The following CDKAL1 variants were observed in gnomAD, a reference collection of about 807,000 sequenced individuals.
CDKAL1 encodes the protein CDKAL1 threonylcarbamoyladenosine tRNA methylthiotransferase, also known as threonylcarbamoyladenosine tRNA methylthiotransferase.
CDKAL1 carries 32 observed loss-of-function variants against 68.2 expected under a neutral mutation model. The observed-to-expected ratio is 0.47, with a 90% CI of 0.35 to 0.63. The LOEUF (loss-of-function observed/expected upper bound fraction) is 0.63, where lower values mean the gene tolerates loss of function less well. Ranked by LOEUF, CDKAL1 falls within the 30% of genes least tolerant of loss-of-function variation. The pLI, the probability that CDKAL1 is intolerant of heterozygous loss-of-function variation, is 0.00. For missense variants in CDKAL1, 606 were observed against 696.7 expected, an observed-to-expected ratio of 0.87 and a Z score of 1.47; for synonymous variants, 234 against 244.3, an observed-to-expected ratio of 0.96 and a Z score of 0.39.
intron 13 of CDKAL1, among the ~76,000 whole-genome samples, chr6:21,116,882 A>G (rs976109398): frequency 1.3e-5 from 2 of 152,206 alleles, no homozygotes; most frequent in Non-Finnish European, 2.9e-5. Context: ...TACTTCCTCT[A>G]TGAAATTCAC....
intron 4 of CDKAL1, among the ~76,000 whole-genome samples, chr6:20,614,266 A>G (rs1766783048): frequency 6.6e-6 from 1 of 151,946 alleles, no homozygotes; most frequent in African/African-American, 2.4e-5. Context: ...TACATAGTTC[A>G]CTTTATCAGT....
intron 5 of CDKAL1, among the ~76,000 whole-genome samples, chr6:20,661,831 G>T (rs563048761): frequency 6.6e-6 from 1 of 152,264 alleles, no homozygotes; most frequent in African/African-American, 2.4e-5. Flanking sequence ...GTGAAAGAGG[G>T]CAGTGTATTA....
intron 4 of CDKAL1, among the ~76,000 whole-genome samples, chr6:20,600,787 T>TAC (rs1258008059): frequency 2.4e-4 from 35 of 146,950 alleles, no homozygotes; most frequent in South Asian, 8.5e-4. Context: ...TATATATATA[T>TAC]ACACACACAC....
At chr6:20,657,393 C>A (rs1769074865) in intron 5 of CDKAL1, among the ~76,000 whole-genome samples, 1 of 152,152 alleles carries the variant, frequency 6.6e-6, no homozygotes, top group East Asian at 1.9e-4. Context: ...CTTTTTCTAA[C>A]CTGGACTCTT....
intron 11 of CDKAL1, among the ~76,000 whole-genome samples, chr6:21,032,515 T>TA (rs1211392408): frequency 6.6e-6 from 1 of 152,232 alleles, no homozygotes; most frequent in Non-Finnish European, 1.5e-5. Context: ...CAGTTTGTTA[T>TA]AAAAATTAAG....
At chr6:20,734,709 C>T (rs897534649) in intron 5 of CDKAL1, among the ~76,000 whole-genome samples, 1 of 152,038 alleles carries the variant, frequency 6.6e-6, no homozygotes, top group Non-Finnish European at 1.5e-5. Flanking sequence ...ATTTTAAAGC[C>T]AAATTTAAAA....
Position 20,569,236 on chromosome 6 carries a change from C to T in CDKAL1, c.286+20531C>T, listed in dbSNP as rs113211506. Among the ~76,000 whole-genome samples, 50 of 152,230 alleles carry T rather than the reference C, an allele frequency of 3.3e-4. 3 individuals are homozygous for T. Among genetic ancestry groups the T allele is most frequent in the African/African-American group, 1.1e-3 (47 of 41,532 alleles). ...CAGTTTTTGAGACACTTTTATGAGC[C>T]TCACTATATTAATGGCCTTATTGGT... On this transcript the variant is annotated intron_variant, in intron 4 of 15. Coordinates refer to ENST00000274695, the MANE Select transcript of CDKAL1 (RefSeq NM_017774.3).
chr6:20,765,710 G>A (rs1774671253), intron 7 of CDKAL1, among the ~76,000 whole-genome samples: 1 of 152,100 alleles, frequency 6.6e-6, no homozygotes, highest in African/African-American at 2.4e-5. Context: ...AACATTGTAT[G>A]ATAAGACTTT....
chr6:20,787,301 G>T (rs867343693), intron 8 of CDKAL1, among the ~76,000 whole-genome samples: 1 of 152,028 alleles, frequency 6.6e-6, no homozygotes, highest in South Asian at 2.1e-4. Context: ...CTGGCTTTGC[G>T]AAAACTAACT....
intron 4 of CDKAL1, among the ~76,000 whole-genome samples, chr6:20,631,369 C>T (rs1767667341): frequency 6.6e-6 from 1 of 152,118 alleles, no homozygotes; most frequent in African/African-American, 2.4e-5. Flanking sequence ...TCAAAGTGAA[C>T]ATGTCTAATG....
At chr6:21,006,912 TA>T (rs1268430632) in intron 11 of CDKAL1, among the ~76,000 whole-genome samples, 1 of 152,216 alleles carries the variant, frequency 6.6e-6, no homozygotes, top group Admixed American at 6.5e-5. Flanking sequence ...CATCGTCTCT[TA>T]ATCTCTTGTG....
chr6:20,969,722 C>T (rs1438345807), intron 10 of CDKAL1, among the ~76,000 whole-genome samples: 1 of 152,162 alleles, frequency 6.6e-6, no homozygotes, highest in Non-Finnish European at 1.5e-5. Context: ...AATGCTCCAT[C>T]AGGTAGCTTA....
At chr6:20,635,020 T>C (rs1463412859) in intron 4 of CDKAL1, among the ~76,000 whole-genome samples, 1 of 151,246 alleles carries the variant, frequency 6.6e-6, no homozygotes, top group Admixed American at 6.6e-5. Context: ...AAAAGGATGA[T>C]TCCTAGGGTT....
intron 5 of CDKAL1, among the ~76,000 whole-genome samples, chr6:20,734,131 A>G (rs1257760557): frequency 6.6e-6 from 1 of 150,916 alleles, no homozygotes; most frequent in Non-Finnish European, 1.5e-5. Flanking sequence ...CCTGGGCATC[A>G]GAGCGAGACT....
At chr6:20,763,768 A>G (rs888963483) in intron 7 of CDKAL1, among the ~76,000 whole-genome samples, 1 of 152,246 alleles carries the variant, frequency 6.6e-6, no homozygotes, top group African/African-American at 2.4e-5. Context: ...ACATAAAACC[A>G]TAAAAGCTTG....
chr6:20,912,549 C>T (rs1762513217), intron 9 of CDKAL1, among the ~76,000 whole-genome samples: 1 of 152,166 alleles, frequency 6.6e-6, no homozygotes, highest in African/African-American at 2.4e-5. Flanking sequence ...AAATCAAAGA[C>T]ACCTTGTAAA....
chr6:21,184,794 C>T (rs143898503), intron 13 of CDKAL1, among the ~76,000 whole-genome samples: 1 of 149,648 alleles, frequency 6.7e-6, no homozygotes, highest in East Asian at 2.0e-4. Context: ...ATAGCTAGGA[C>T]TACAGGTGTG....
At chr6:20,934,706 A>C (rs185159050) in intron 9 of CDKAL1, among the ~76,000 whole-genome samples, 2 of 151,918 alleles carry the variant, frequency 1.3e-5, no homozygotes, top group Non-Finnish European at 2.9e-5. Context: ...AATTAGCTGG[A>C]CATAGTGGGA....
intron 4 of CDKAL1, among the ~76,000 whole-genome samples, chr6:20,616,337 T>TGG (rs1324196289): frequency 6.7e-6 from 1 of 148,778 alleles, no homozygotes; most frequent in Non-Finnish European, 1.5e-5. Context: ...GGTAGCTTGA[T>TGG]GGGGATGGCA....
Sources: gnomAD v4.1 joint callset for allele counts (sites outside exome capture counted in the v4.1 genomes callset) on GRCh38, gnomAD v4.1.1 for gene constraint, MANE v1.5 for transcripts, NCBI Gene and HGNC (gene_info 2026-07-23, HGNC 2026-07-21) for gene names.